The following RAB5A variants were observed in gnomAD, a reference collection of about 807,000 sequenced individuals.
RAB5A encodes RAB5A, member RAS oncogene family.
Under a neutral mutation model 25.7 loss-of-function variants are expected in RAB5A, and 8 were observed. The observed-to-expected ratio is 0.31, with a 90% confidence interval of 0.18 to 0.56. The LOEUF is 0.56. Among genes scored for constraint, RAB5A ranks in the 20% least tolerant of loss-of-function variants. The probability of loss-of-function intolerance (pLI) is 0.91; values close to 1 mark genes in which losing one functional copy is unlikely to be tolerated. For missense variants in RAB5A, 192 were observed against 259.7 expected (o/e 0.74, Z 1.79); for synonymous variants, 98 against 89.8 (o/e 1.09, Z -0.52).
intron 2 of RAB5A, among the ~76,000 whole-genome samples, chr3:19,954,876 T>C (rs1426219061): frequency 6.6e-6 from 1 of 152,158 alleles, no homozygotes; most frequent in East Asian, 1.9e-4. Flanking sequence ...ATCCTACCCC[T>C]ATAGCACTTC....
At chr3:19,956,936 G>GTT (rs200691529) in intron 2 of RAB5A, among the ~76,000 whole-genome samples, 9 of 141,028 alleles carry the variant, frequency 6.4e-5, no homozygotes, top group Non-Finnish European at 6.2e-5. Flanking sequence ...AAAATTTTGT[G>GTT]TTTTTTTTCC....
chr3:19,965,308 A>G (rs1463530507), intron 2 of RAB5A, among the ~76,000 whole-genome samples: 1 of 151,962 alleles, frequency 6.6e-6, no homozygotes, highest in Non-Finnish European at 1.5e-5. Context: ...TATAGTCCCA[A>G]CTACTCTGGA....
chr3:19,951,152 T>A, intron 2 of RAB5A, 91 bp downstream of exon 2: 1 of 1,439,548 alleles, frequency 6.9e-7, no homozygotes. Flanking sequence ...TATGAATAGC[T>A]AAATAAGTCA....
chr3:19,970,311 A>G (rs1161411524), intron 2 of RAB5A, among the ~76,000 whole-genome samples: 1 of 152,304 alleles, frequency 6.6e-6, no homozygotes, highest in East Asian at 1.9e-4. Flanking sequence ...AGTCTTGCAT[A>G]TTATAATAGG....
chr3:19,959,625 ATT>A (rs63289661), intron 2 of RAB5A, among the ~76,000 whole-genome samples: 43,548 of 117,868 alleles, frequency 0.37, 7,576 homozygotes, highest in African/African-American at 0.53. Flanking sequence ...TTGTGTTCTG[ATT>A]TTTTTTTTTT....
chr3:19,980,692 A>G (rs1231517890), intron 5 of RAB5A, among the ~76,000 whole-genome samples: 3 of 152,152 alleles, frequency 2.0e-5, no homozygotes, highest in Non-Finnish European at 2.9e-5. Flanking sequence ...ATATAGTGCT[A>G]TTTTGTGTCC....
At chr3:19,971,949 C>T (rs978079775) in intron 2 of RAB5A, among the ~76,000 whole-genome samples, 1 of 144,548 alleles carries the variant, frequency 6.9e-6, no homozygotes, top group East Asian at 1.9e-4. Context: ...TTTGAACTTC[C>T]TTCTTTTAGT....
At chr3:19,975,967 C>CT (rs1303334880) in intron 3 of RAB5A, 80 bp from the exon 4 acceptor site, 6 of 1,519,408 alleles carry the variant, frequency 3.9e-6, no homozygotes, top group Non-Finnish European at 5.3e-6. Context: ...TTGGGACAGT[C>CT]TTTTAAAGCC....
chr3:19,970,261 G>A (rs1696725983), intron 2 of RAB5A, among the ~76,000 whole-genome samples: 1 of 152,086 alleles, frequency 6.6e-6, no homozygotes, highest in South Asian at 2.1e-4. Flanking sequence ...CCTTTCCCTT[G>A]CCCAGTGTGT....
At position 19,974,779 on chromosome 3, in the gene RAB5A, G is replaced by A. The variant is rs190504711; in HGVS notation, c.164-822G>A. 2.6e-5 allele frequency among the ~76,000 whole-genome samples: 4 copies of A among 151,790 alleles called. No homozygotes were observed. In the East Asian group the frequency reaches 7.7e-4, roughly 29 times the overall value. On this transcript the variant is annotated intron_variant, in intron 2 of 5. Transcript: ENST00000273047. ...ATACTAATTTGGTGGTAACTGACTG[G>A]GACTAAATTGCCAGTGTGCGCCAAT...
intron 1 of RAB5A, among the ~76,000 whole-genome samples, chr3:19,948,195 G>C (rs1696359539): frequency 6.6e-6 from 1 of 152,154 alleles, no homozygotes; most frequent in South Asian, 2.1e-4. Context: ...TATCTTCCCT[G>C]GAAGCTGCTT....
At chr3:19,977,982 A>G (rs1696852321) in intron 4 of RAB5A, among the ~76,000 whole-genome samples, 1 of 152,238 alleles carries the variant, frequency 6.6e-6, no homozygotes, top group African/African-American at 2.4e-5. Flanking sequence ...ATTGCCGTTG[A>G]GATCAAAGAG....
At chr3:19,967,753 G>A (rs755134401) in intron 2 of RAB5A, among the ~76,000 whole-genome samples, 1 of 151,900 alleles carries the variant, frequency 6.6e-6, no homozygotes, top group Non-Finnish European at 1.5e-5. Context: ...TGGGTGCTGA[G>A]TAATACTTAG....
chr3:19,950,670 G>A, intron 1 of RAB5A, 136 bp from the exon 2 acceptor site: 1 of 388,922 alleles, frequency 2.6e-6, no homozygotes, highest in Non-Finnish European at 4.6e-6. Flanking sequence ...TCCTTTAAAA[G>A]ATAGTGACAT....
intron 2 of RAB5A, among the ~76,000 whole-genome samples, chr3:19,967,407 A>C (rs1233534517): frequency 6.6e-6 from 1 of 152,068 alleles, no homozygotes; most frequent in Non-Finnish European, 1.5e-5. Context: ...AGTCTCCCAA[A>C]GTGCTGGGAT....
At chr3:19,951,201 T>A in intron 2 of RAB5A, 140 bp downstream of exon 2, 1 of 910,370 alleles carries the variant, frequency 1.1e-6, no homozygotes, top group Non-Finnish European at 1.6e-6. Context: ...ACCTTAGCTT[T>A]AAAACTTGCC....
chr3:19,947,848 TCTCGGTCAAAGCA>T (rs988677500), intron 1 of RAB5A: 2 of 152,208 alleles, frequency 1.3e-5, no homozygotes, highest in Admixed American at 6.6e-5. Flanking sequence ...GTCCTGGGGG[TCTCGGTCAAAGCA>T]AGGCAGGTTC....
At chr3:19,958,293 C>T (rs1036590268) in intron 2 of RAB5A, among the ~76,000 whole-genome samples, 1 of 152,142 alleles carries the variant, frequency 6.6e-6, no homozygotes, top group Non-Finnish European at 1.5e-5. Context: ...AGTACATATT[C>T]AGAATTTGAG....
chr3:19,959,441 AATTT>A (rs201438307), intron 2 of RAB5A, among the ~76,000 whole-genome samples: 20 of 145,350 alleles, frequency 1.4e-4, no homozygotes, highest in East Asian at 1.2e-3. Context: ...GTTATGTACT[AATTT>A]ATATATATAT....
Sources: gnomAD v4.1 joint callset for allele counts (sites outside exome capture counted in the v4.1 genomes callset) on GRCh38, gnomAD v4.1.1 for gene constraint, MANE v1.5 for transcripts, NCBI Gene and HGNC (gene_info 2026-07-23, HGNC 2026-07-21) for gene names.